The following SLC25A13 variants were observed in gnomAD, a reference collection of about 807,000 sequenced individuals.
The protein encoded by SLC25A13 is solute carrier family 25 member 13.
In SLC25A13, 70 loss-of-function variants were observed where a neutral mutation model predicts 85.5. That is an observed-to-expected ratio of 0.82 (90% CI 0.68 to 1.00). The LOEUF (loss-of-function observed/expected upper bound fraction) is 1.00, where lower values mean the gene tolerates loss of function less well. SLC25A13 is among the 50% of genes least tolerant of loss of function. SLC25A13 has a pLI of 0.00. For missense variants in SLC25A13, 765 were observed against 819.8 expected, an observed-to-expected ratio of 0.93 and a Z score of 0.82; for synonymous variants, 259 against 288.7, an observed-to-expected ratio of 0.90 and a Z score of 1.04.
chr7:96,292,924 A>G (rs1402738376), intron 2 of SLC25A13, among the ~76,000 whole-genome samples: 9 of 152,220 alleles, frequency 5.9e-5, no homozygotes, highest in Non-Finnish European at 1.0e-4. Flanking sequence ...AATTGGAAAA[A>G]ACTACTTTAA....
intron 9 of SLC25A13, 33 bp from the exon 10 acceptor site, chr7:96,185,044 A>G (rs1794577682): frequency 6.4e-7 from 1 of 1,558,778 alleles, no homozygotes; most frequent in East Asian, 2.2e-5. Context: ...AGAGAGCAGG[A>G]AAACAGGTGA....
chr7:96,229,697 A>G (rs1400488977), intron 4 of SLC25A13, among the ~76,000 whole-genome samples: 2 of 152,078 alleles, frequency 1.3e-5, no homozygotes, highest in African/African-American at 4.8e-5. Context: ...GAACAACTCC[A>G]GAAGCGCCAC....
chr7:96,267,693 A>C (rs1326657180), intron 3 of SLC25A13, among the ~76,000 whole-genome samples: 2 of 152,034 alleles, frequency 1.3e-5, no homozygotes, highest in Non-Finnish European at 2.9e-5. Context: ...GCATGCCTAT[A>C]ATCGCAGCTA....
intron 4 of SLC25A13, 69 bp downstream of exon 4, chr7:96,234,732 GA>G (rs36076115): frequency 0.057 from 49,804 of 872,646 alleles, no homozygotes; most frequent in East Asian, 0.067. Context: ...TTTGTTCCTA[GA>G]AAAAAAAAAA....
chr7:96,290,300 G>T (rs1308037455), intron 2 of SLC25A13, among the ~76,000 whole-genome samples: 1 of 152,066 alleles, frequency 6.6e-6, no homozygotes, highest in East Asian at 1.9e-4. Context: ...AGGAACAACT[G>T]GTACCAACCA....
chr7:96,233,632 C>T (rs1412643815), intron 4 of SLC25A13, among the ~76,000 whole-genome samples: 1 of 152,112 alleles, frequency 6.6e-6, no homozygotes, highest in Non-Finnish European at 1.5e-5. Context: ...AATACTTTAT[C>T]TAATTATTAT....
rs1219134282 is a variant in SLC25A13, at chr7:96,307,132, T to C, written c.16-10181A>G. 2.8e-5 allele frequency among the ~76,000 whole-genome samples: 3 copies of C among 105,716 alleles called. No individual in the cohort carries two copies. In the East Asian group the frequency reaches 6.8e-4, roughly 24 times the overall value. 69.4% of individuals were successfully genotyped at this position (105,716 alleles called of 152,430 possible). On this transcript the variant is annotated intron_variant, in intron 1 of 17. Transcript: ENST00000265631. ...GGGGCTTAAAAGTATAAAGGTAGCTTTGTAATTTAAAAAAAAAAATAAAGA... is the reference window on the plus strand; with the variant it reads ...GGGGCTTAAAAGTATAAAGGTAGCTCTGTAATTTAAAAAAAAAAATAAAGA...
chr7:96,287,685 C>A (rs1798942986), intron 2 of SLC25A13, among the ~76,000 whole-genome samples: 1 of 152,180 alleles, frequency 6.6e-6, no homozygotes, highest in Admixed American at 6.5e-5. Flanking sequence ...TAAGTGGAGT[C>A]TTATCAATGG....
chr7:96,145,794 T>C (rs1325298563), intron 14 of SLC25A13, among the ~76,000 whole-genome samples: 5 of 152,190 alleles, frequency 3.3e-5, no homozygotes, highest in Non-Finnish European at 7.3e-5. Flanking sequence ...TATGTGTTTA[T>C]AGAAACAAAG....
chr7:96,305,095 T>C (rs1562919836), intron 1 of SLC25A13, among the ~76,000 whole-genome samples: 1 of 152,198 alleles, frequency 6.6e-6, no homozygotes, highest in Non-Finnish European at 1.5e-5. Flanking sequence ...ATATACTGTA[T>C]CATTAAAACT....
chr7:96,120,312 A>G lies in SLC25A13; in HGVS notation c.*879T>C, dbSNP rs1378977722. 1 of 454,120 alleles carries G rather than the reference A, an allele frequency of 2.2e-6. No individual in the cohort carries two copies. Among genetic ancestry groups the G allele is most frequent in the African/African-American group, 2.0e-5 (1 of 50,138 alleles). 28.1% of individuals were successfully genotyped at this position (454,120 alleles called of 1,614,324 possible). On this transcript the variant is annotated 3_prime_UTR_variant, in exon 18 of 18. Transcript: ENST00000265631. ...ATGAATTAAATACTTATGTCAGAAC[A>G]TATTTGTCTTACATTATTCAAGATA...
chr7:96,121,564 A>C, intron 17 of SLC25A13, 91 bp downstream of exon 17: 8 of 1,442,012 alleles, frequency 5.5e-6, no homozygotes, highest in Non-Finnish European at 7.8e-6. Context: ...CTTCTATTTT[A>C]TTATAGAGAC....
intron 3 of SLC25A13, among the ~76,000 whole-genome samples, chr7:96,253,690 T>C (rs942362713): frequency 3.3e-5 from 5 of 152,048 alleles, no homozygotes; most frequent in Non-Finnish European, 7.4e-5. Flanking sequence ...ATAGGAAGTG[T>C]TTGGTGCAGG....
At chr7:96,197,369 G>A (rs192341210) in intron 5 of SLC25A13, among the ~76,000 whole-genome samples, 141 of 152,280 alleles carry the variant, frequency 9.3e-4, no homozygotes, top group Non-Finnish European at 1.4e-3. Context: ...AATAGTAGCA[G>A]AGACCAAGGA....
chr7:96,276,340 G>A (rs1395714537), intron 3 of SLC25A13, among the ~76,000 whole-genome samples: 2 of 152,178 alleles, frequency 1.3e-5, no homozygotes, highest in Non-Finnish European at 2.9e-5. Flanking sequence ...GTAAGCAGAA[G>A]GCCAGATAAA....
At chr7:96,289,282 G>A (rs1562906910) in intron 2 of SLC25A13, among the ~76,000 whole-genome samples, 1 of 152,088 alleles carries the variant, frequency 6.6e-6, no homozygotes. Context: ...AAGACCAAAG[G>A]TAGATAAAAC....
intron 11 of SLC25A13, among the ~76,000 whole-genome samples, chr7:96,176,383 G>A (rs182362336): frequency 1.9e-3 from 288 of 152,268 alleles, no homozygotes; most frequent in Non-Finnish European, 2.7e-3. Context: ...TTTTCCAACT[G>A]CCTCAAAAGA....
rs1797518428 is a variant in SLC25A13, at chr7:96,253,607, T to C, written c.213-18690A>G. Among the ~76,000 whole-genome samples the C allele has an allele frequency of 2.0e-5, 3 of 152,210 alleles. No homozygotes were observed. In the South Asian group the frequency reaches 6.2e-4, roughly 32 times the overall value. ...GACCCATTGTTATCAGGACAGCAGT[T>C]AGCAGGAGCAATAAGAGTGACTCTA... On this transcript the variant is annotated intron_variant, in intron 3 of 17. Transcript: ENST00000265631.
chr7:96,238,036 A>G (rs980536184), intron 3 of SLC25A13, among the ~76,000 whole-genome samples: 2 of 152,030 alleles, frequency 1.3e-5, no homozygotes. Flanking sequence ...AAAAATCCCA[A>G]CCCCTAGAAC....
Sources: allele counts gnomAD v4.1 joint callset (sites outside exome capture counted in the v4.1 genomes callset), GRCh38; gene constraint gnomAD v4.1.1; transcripts MANE v1.5; gene names NCBI Gene and HGNC (gene_info 2026-07-23, HGNC 2026-07-21).